PYGL: variants seen among roughly 807,000 people sequenced by gnomAD.
PYGL encodes the protein glycogen phosphorylase, liver form.
PYGL carries 90 observed loss-of-function variants against 100.1 expected under a neutral mutation model. That is an observed-to-expected ratio of 0.90 (90% CI 0.76 to 1.07). The LOEUF (loss-of-function observed/expected upper bound fraction) is 1.07, where lower values mean the gene tolerates loss of function less well. PYGL is among the 50% of genes least tolerant of loss of function. The pLI, the probability that PYGL is intolerant of heterozygous loss-of-function variation, is 0.00. For synonymous variants in PYGL, 373 were observed against 393.0 expected, an observed-to-expected ratio of 0.95 and a Z score of 0.60; for missense variants, 1,016 against 1,057.6, an observed-to-expected ratio of 0.96 and a Z score of 0.55.
rs377593178 is a variant in PYGL, at chr14:50,916,001, C to T, written c.1093-30G>A. 106 of 1,613,308 alleles carry T rather than the reference C, an allele frequency of 6.6e-5. No individual in the cohort carries two copies. The African/African-American group carries it at 1.2e-3, about 18-fold the overall frequency. Reference sequence around the variant, plus strand: ...GGGAAAGGAAGGAGTCAGCTGCTTGCCCTGAAGGTGGGCACCCCACTGCAC... The same window carrying T: ...GGGAAAGGAAGGAGTCAGCTGCTTGTCCTGAAGGTGGGCACCCCACTGCAC... On this transcript the variant is annotated intron_variant, in intron 9 of 19. Coordinates refer to ENST00000216392, the MANE Select transcript of PYGL (RefSeq NM_002863.5).
At chr14:50,935,289 G>T in intron 2 of PYGL, 104 bp from the exon 3 acceptor site, 1 of 946,740 alleles carries the variant, frequency 1.1e-6, no homozygotes, top group Non-Finnish European at 1.7e-6. Flanking sequence ...AGGTTTAGCT[G>T]TGTACCTAAT....
Position 50,912,148 on chromosome 14 carries a change from T to C in PYGL, c.1768+8A>G. On this transcript the variant is annotated splice_region_variant and intron_variant, in intron 14 of 19. Transcript: ENST00000216392. ...CAAGGGGGCTTGTTGGCTACAGGGC[T>C]GACTCACGGTTGTACATCGTGATCA... 1 of 1,614,240 alleles carries C rather than the reference T, an allele frequency of 6.2e-7. No homozygotes were observed. The highest frequency in any genetic ancestry group is 1.1e-5 in the South Asian group (1 of 91,088).
At chr14:50,929,904 C>G (rs1262319415) in intron 4 of PYGL, among the ~76,000 whole-genome samples, 2 of 152,138 alleles carry the variant, frequency 1.3e-5, no homozygotes, top group Non-Finnish European at 2.9e-5. Context: ...ATATATATTT[C>G]TTACAGAAAA....
chr14:50,912,903 G>A (rs1164463788), intron 13 of PYGL, 126 bp downstream of exon 13: 32 of 826,394 alleles, frequency 3.9e-5, no homozygotes, highest in South Asian at 2.6e-4. Flanking sequence ...GCAGTGAGCC[G>A]AGATCGTGCC....
At chr14:50,912,475 G>T in intron 13 of PYGL, 172 bp from the exon 14 acceptor site, 1 of 779,930 alleles carries the variant, frequency 1.3e-6, no homozygotes, top group Non-Finnish European at 2.1e-6. Flanking sequence ...TATCCTATCA[G>T]GGATTACAGG....
intron 1 of PYGL, among the ~76,000 whole-genome samples, chr14:50,942,887 G>A (rs1451360753): frequency 2.0e-5 from 3 of 152,162 alleles, no homozygotes; most frequent in East Asian, 1.9e-4. Flanking sequence ...TATACATAAA[G>A]TGTTTTCTAA....
chr14:50,910,270 C>T (rs963715002), intron 16 of PYGL, among the ~76,000 whole-genome samples, 168 bp from the exon 17 acceptor site: 3 of 152,210 alleles, frequency 2.0e-5, no homozygotes, highest in Non-Finnish European at 4.4e-5. Flanking sequence ...CCCCTTGACT[C>T]AGGCAACCAC....
intron 1 of PYGL, 104 bp downstream of exon 1, chr14:50,944,057 T>A (rs2050725772): frequency 7.1e-7 from 1 of 1,407,300 alleles, no homozygotes; most frequent in South Asian, 1.2e-5. Flanking sequence ...AAGGACCGGG[T>A]GCAAGGGACC....
At chr14:50,941,892 C>G (rs1566516600) in intron 1 of PYGL, among the ~76,000 whole-genome samples, 1 of 152,034 alleles carries the variant, frequency 6.6e-6, no homozygotes. Flanking sequence ...CAAAACAAAA[C>G]ACGGGAAGAT....
At position 50,915,962 on chromosome 14, in the gene PYGL, G is replaced by C; in HGVS notation, c.1102C>G (p.Leu368Val). 1 of 1,614,060 alleles carries C rather than the reference G, an allele frequency of 6.2e-7. No homozygotes were observed. The highest frequency in any genetic ancestry group is 8.5e-7 in the Non-Finnish European group (1 of 1,179,972). The stretch of plus-strand genomic sequence containing the variant: ...GTGTAGGCGAAGGTCTTCTGGGTGA[G>C]CTCCCATGCCTGGGGGAAAGGAAGG... The part of the protein sequence containing the change: ...EKLPWSKAWE[L>V]TQKTFAYTNH... Residue 368 changes from leucine (L) to valine (V), a missense_variant, in exon 10 of 20, where the codon CTC becomes GTC. Leu to Val is a conservative substitution (Grantham distance 32). Transcript: ENST00000216392.
chr14:50,909,379 T>C (rs8009460), intron 17 of PYGL, among the ~76,000 whole-genome samples: 5,466 of 152,292 alleles, frequency 0.036, 244 homozygotes, highest in African/African-American at 0.1. Context: ...TTCAACATCC[T>C]CCAAATGTTA....
rs1390363142 is a variant in PYGL at position 50,944,425 on chromosome 14, GGCGGGCTGCGCA to G, written c.-34_-23del. On this transcript the variant is annotated 5_prime_UTR_variant, in exon 1 of 20. Transcript: ENST00000216392. ...CCATGGCTGGGGCGGCGGGCTGCGCGGCGGGCTGCGCAGAGAGCTGGAAGTGCGGCCGGAGGC... is the reference window on the plus strand; with the variant it reads ...CCATGGCTGGGGCGGCGGGCTGCGCGGAGAGCTGGAAGTGCGGCCGGAGGC... 7 of 1,590,198 alleles carry G rather than the reference GGCGGGCTGCGCA, an allele frequency of 4.4e-6. No homozygotes were observed. Among genetic ancestry groups the G allele is most frequent in the Middle Eastern group, 1.7e-4 (1 of 6,024 alleles).
In PYGL at chr14:50,910,162, T is replaced by C. The variant is rs2275464; in HGVS notation, c.1970-60A>G. ...TCTGTCTAGATCTGCTTGTATTGTA[T>C]TGAAGCATTTATTAAGTTGGGCTGT... On this transcript the variant is annotated intron_variant, in intron 16 of 19. Transcript: ENST00000216392. 0.14 allele frequency: 213,398 copies of C among 1,519,908 alleles called. 18,147 individuals are homozygous for C. The highest frequency in any genetic ancestry group is 0.4 in the African/African-American group (29,232 of 72,718). The allele number at this position is 1,519,908 out of a possible 1,614,324, so 94.2% of individuals were successfully genotyped here. A position where few individuals can be genotyped will look rare whatever the true frequency, so the allele number is the denominator to read the frequency against.
chr14:50,923,310 CAG>C (rs1166810239), intron 5 of PYGL: 1 of 151,694 alleles, frequency 6.6e-6, no homozygotes, highest in Admixed American at 6.6e-5. Context: ...TTTTTTGAGA[CAG>C]AGTCTCACTC....
chr14:50,930,287 G>C (rs535773755), intron 4 of PYGL, among the ~76,000 whole-genome samples: 2 of 152,258 alleles, frequency 1.3e-5, no homozygotes, highest in South Asian at 4.1e-4. Context: ...TAATTCTGTA[G>C]AGTTTGTATC....
intron 7 of PYGL, among the ~76,000 whole-genome samples, chr14:50,918,591 C>T (rs896367839): frequency 5.9e-5 from 9 of 152,280 alleles, no homozygotes; most frequent in African/African-American, 1.9e-4. Context: ...AACCGAATAT[C>T]GTGTGTTCTC....
intron 2 of PYGL, among the ~76,000 whole-genome samples, chr14:50,936,309 C>A (rs2356729): frequency 0.49 from 74,390 of 151,928 alleles, 19,683 homozygotes; most frequent in African/African-American, 0.67. Context: ...GTTGTGCCCC[C>A]GTTTCCATGG....
chr14:50,905,981 C>G (rs1342713171), intron 19 of PYGL, among the ~76,000 whole-genome samples: 1 of 152,150 alleles, frequency 6.6e-6, no homozygotes, highest in Non-Finnish European at 1.5e-5. Flanking sequence ...AAAAACACTA[C>G]TCTAAAATGT....
At chr14:50,941,113 T>G (rs776564923) in intron 1 of PYGL, among the ~76,000 whole-genome samples, 4 of 152,170 alleles carry the variant, frequency 2.6e-5, no homozygotes, top group Non-Finnish European at 4.4e-5. Flanking sequence ...CCAATGATAA[T>G]TGAGCAGGGG....
Sources: allele counts gnomAD v4.1 joint callset (sites outside exome capture counted in the v4.1 genomes callset), GRCh38; gene constraint gnomAD v4.1.1; transcripts MANE v1.5; gene names NCBI Gene and HGNC (gene_info 2026-07-23, HGNC 2026-07-21).